The following ARHGAP15 variants were observed in gnomAD, a reference collection of about 807,000 sequenced individuals.
ARHGAP15 encodes rho GTPase-activating protein 15.
A neutral mutation model predicts 63.7 loss-of-function variants in ARHGAP15; 51 were observed. The observed-to-expected ratio is 0.80, with a 90% CI of 0.64 to 1.01. The LOEUF (loss-of-function observed/expected upper bound fraction) is 1.01. Ranked by LOEUF, ARHGAP15 falls within the 50% of genes least tolerant of loss-of-function variation. The pLI is 0.00. For missense variants in ARHGAP15, 560 were observed against 564.6 expected (o/e 0.99, Z 0.08); for synonymous variants, 191 against 193.8 (o/e 0.99, Z 0.12).
chr2:143,428,321 C>G (rs982097200), intron 6 of ARHGAP15, among the ~76,000 whole-genome samples: 1 of 151,760 alleles, frequency 6.6e-6, no homozygotes, highest in Non-Finnish European at 1.5e-5. Context: ...TGTGGAGCAG[C>G]GGAAGTGCAG....
At chr2:143,630,992 T>C (rs1411641003) in intron 12 of ARHGAP15, among the ~76,000 whole-genome samples, 9 of 152,050 alleles carry the variant, frequency 5.9e-5, no homozygotes, top group Admixed American at 2.6e-4. Flanking sequence ...TTCCACCTGC[T>C]CTGCACTCCC....
chr2:143,499,914 T>C (rs1159299426), intron 9 of ARHGAP15, among the ~76,000 whole-genome samples: 2 of 152,036 alleles, frequency 1.3e-5, no homozygotes, highest in Non-Finnish European at 2.9e-5. Context: ...AGAAAAAGAA[T>C]ACAAAAGAGA....
intron 13 of ARHGAP15, among the ~76,000 whole-genome samples, chr2:143,739,950 T>TC (rs1333195781): frequency 6.6e-6 from 1 of 152,222 alleles, no homozygotes; most frequent in African/African-American, 2.4e-5. Context: ...TCCCACCGTG[T>TC]CATTCTGCCC....
Position 143,398,416 on chromosome 2 carries a change from G to A in ARHGAP15, c.475-37185G>A, listed in dbSNP as rs182035899. On this transcript the variant is annotated intron_variant, in intron 6 of 13. Transcript: ENST00000295095. ...AACCTGTATTTCCATCTGCAGTGTT[G>A]TTGATTTCCTCCAGAAAACACTGAG... is the stretch of plus-strand genomic sequence containing the variant. Among the ~76,000 whole-genome samples, 18 of 152,182 alleles carry A rather than the reference G, an allele frequency of 1.2e-4. No homozygotes were observed. The East Asian group carries it at 2.3e-3, about 20-fold the overall frequency.
rs1464649054 is a variant in ARHGAP15, at chr2:143,435,522, AG to A, written c.475-77del. 2.9e-6 allele frequency: 4 copies of A among 1,392,208 alleles called. No individual in the cohort carries two copies. The Admixed American group carries it at 1.4e-4, about 47-fold the overall frequency. The allele number at this position is 1,392,208 out of a possible 1,614,324, so 86.2% of individuals were successfully genotyped here. A position where few individuals can be genotyped will look rare whatever the true frequency, so the allele number is the denominator to read the frequency against. On this transcript the variant is annotated intron_variant, in intron 6 of 13. Transcript: ENST00000295095. ...TTTATTAAACTGTGTTTTTTAAAAAAGGATTTTTACATGTAAGAGATCTATC... is the reference window on the plus strand; with the variant it reads ...TTTATTAAACTGTGTTTTTTAAAAAAGATTTTTACATGTAAGAGATCTATC...
chr2:143,472,769 G>GAT (rs1315600995), intron 8 of ARHGAP15, among the ~76,000 whole-genome samples: 2 of 152,092 alleles, frequency 1.3e-5, no homozygotes, highest in Non-Finnish European at 2.9e-5. Flanking sequence ...AAAGCACTGT[G>GAT]ATATTGTACA....
chr2:143,675,525 A>G (rs1010969173), intron 12 of ARHGAP15, among the ~76,000 whole-genome samples: 21 of 152,206 alleles, frequency 1.4e-4, no homozygotes, highest in African/African-American at 5.1e-4. Context: ...CAGACTTGAA[A>G]GTGAAAATTA....
rs1240329775 is a variant in ARHGAP15 at position 143,330,116 on chromosome 2, AAAAAAAAAAAAAAAAC to A, written c.474+79517_474+79532del. On this transcript the variant is annotated intron_variant, in intron 6 of 13. Transcript: ENST00000295095. Reference sequence around the variant, plus strand: ...TCTCAAAAAAAAAAAAAAAAAAAAAAAAAAAAAAAAAAAAACCAAAAACAAAAAACTAAACTAATGA... The same window carrying A: ...TCTCAAAAAAAAAAAAAAAAAAAAAACAAAAACAAAAAACTAAACTAATGA... Among the ~76,000 whole-genome samples the A allele has an allele frequency of 3.9e-4, 34 of 86,878 alleles. 4 individuals are homozygous for A. Among genetic ancestry groups the A allele is most frequent in the East Asian group, 1.6e-3 (5 of 3,094 alleles). The allele number at this position is 86,878 out of a possible 152,430, so 57.0% of individuals were successfully genotyped here. A position where few individuals can be genotyped will look rare whatever the true frequency, so the allele number is the denominator to read the frequency against.
At chr2:143,420,191 G>T (rs1289773287) in intron 6 of ARHGAP15, among the ~76,000 whole-genome samples, 1 of 152,144 alleles carries the variant, frequency 6.6e-6, no homozygotes, top group African/African-American at 2.4e-5. Flanking sequence ...TGTAGTGGCA[G>T]TTTTAGAACA....
chr2:143,549,890 C>T (rs1695481824), intron 10 of ARHGAP15, among the ~76,000 whole-genome samples: 2 of 152,158 alleles, frequency 1.3e-5, no homozygotes, highest in Non-Finnish European at 2.9e-5. Flanking sequence ...ACACCATTCT[C>T]ATTTAAGATT....
At chr2:143,727,633 G>A (rs760355694) in intron 13 of ARHGAP15, among the ~76,000 whole-genome samples, 1 of 152,182 alleles carries the variant, frequency 6.6e-6, no homozygotes, top group Non-Finnish European at 1.5e-5. Flanking sequence ...TCTCATGTTG[G>A]TAAGGCTCAG....
intron 13 of ARHGAP15, among the ~76,000 whole-genome samples, chr2:143,748,644 A>G (rs1016133314): frequency 3.3e-5 from 5 of 152,192 alleles, no homozygotes; most frequent in Non-Finnish European, 5.9e-5. Flanking sequence ...AGTATATCTT[A>G]TTACTGGGTT....
At chr2:143,424,257 AGT>A (rs1689053688) in intron 6 of ARHGAP15, among the ~76,000 whole-genome samples, 1 of 152,092 alleles carries the variant, frequency 6.6e-6, no homozygotes, top group African/African-American at 2.4e-5. Context: ...TTTACTGATG[AGT>A]GGATGTAAAG....
intron 6 of ARHGAP15, among the ~76,000 whole-genome samples, chr2:143,332,560 G>A (rs183084777): frequency 6.6e-6 from 1 of 152,282 alleles, no homozygotes; most frequent in East Asian, 1.9e-4. Context: ...CCCAATGCAT[G>A]TGGCTTTTTT....
intron 12 of ARHGAP15, among the ~76,000 whole-genome samples, chr2:143,646,014 C>T (rs1680857012): frequency 6.6e-6 from 1 of 152,036 alleles, no homozygotes; most frequent in Non-Finnish European, 1.5e-5. Flanking sequence ...AAAGCTCTTT[C>T]ACCAAATATG....
intron 3 of ARHGAP15, among the ~76,000 whole-genome samples, chr2:143,213,065 G>A (rs576924645): frequency 6.6e-6 from 1 of 152,284 alleles, no homozygotes; most frequent in East Asian, 1.9e-4. Context: ...TCTTGAATAT[G>A]AACTCCCAGG....
chr2:143,619,647 T>C (rs1475376669), intron 11 of ARHGAP15, among the ~76,000 whole-genome samples: 1 of 152,188 alleles, frequency 6.6e-6, no homozygotes, highest in African/African-American at 2.4e-5. Flanking sequence ...TGAATTGTAA[T>C]CCCCAATGTT....
At chr2:143,235,063 A>G (rs1479429487) in intron 5 of ARHGAP15, among the ~76,000 whole-genome samples, 1 of 152,156 alleles carries the variant, frequency 6.6e-6, no homozygotes, top group Non-Finnish European at 1.5e-5. Context: ...AGTTTGTGCT[A>G]TTTATATAAA....
intron 9 of ARHGAP15, among the ~76,000 whole-genome samples, chr2:143,507,023 T>A (rs1693355474): frequency 6.6e-6 from 1 of 152,174 alleles, no homozygotes; most frequent in Non-Finnish European, 1.5e-5. Context: ...AGAAGGCATG[T>A]AATATAATAA....
Sources: allele counts gnomAD v4.1 joint callset (sites outside exome capture counted in the v4.1 genomes callset), GRCh38; gene constraint gnomAD v4.1.1; transcripts MANE v1.5; gene names NCBI Gene and HGNC (gene_info 2026-07-23, HGNC 2026-07-21).